SLC35D4: variants seen among roughly 807,000 people sequenced by gnomAD.
SLC35D4 encodes solute carrier family 35 member D4.
At chr18:23,372,266 C>T in the SLC35D4 span, among the ~76,000 whole-genome samples, 5 of 152,184 alleles carry the variant, frequency 3.3e-5, no homozygotes, top group Admixed American at 3.3e-4. Context: ...CTATCTCTCC[C>T]TGCCCTCCCC....
chr18:23,385,209 A>G, the SLC35D4 span: 10 of 695,288 alleles, frequency 1.4e-5, no homozygotes, highest in East Asian at 5.6e-5. Context: ...AGACTTCTAC[A>G]TGGATTAGCG....
the SLC35D4 span, among the ~76,000 whole-genome samples, chr18:23,308,684 G>T: frequency 6.6e-6 from 1 of 151,990 alleles, no homozygotes; most frequent in African/African-American, 2.4e-5. Context: ...GCATCCCCAT[G>T]GCTCACTCCC....
the SLC35D4 span, among the ~76,000 whole-genome samples, chr18:23,345,472 A>G: frequency 8.9e-6 from 1 of 112,400 alleles, no homozygotes; most frequent in Non-Finnish European, 1.7e-5. Flanking sequence ...ACAGAGGGAG[A>G]CTCCATCTCA....
At chr18:23,384,107 A>G in the SLC35D4 span, among the ~76,000 whole-genome samples, 2 of 151,716 alleles carry the variant, frequency 1.3e-5, no homozygotes, top group African/African-American at 4.8e-5. Context: ...TGGACAACAT[A>G]GCAAGACCCT....
the SLC35D4 span, among the ~76,000 whole-genome samples, chr18:23,248,537 TTA>T: frequency 7.2e-5 from 7 of 96,622 alleles, no homozygotes; most frequent in Admixed American, 6.4e-4. Context: ...TTTTTTTTTT[TTA>T]AAAAAAGGCT....
chr18:23,350,511 C>T, the SLC35D4 span, among the ~76,000 whole-genome samples: 376 of 152,210 alleles, frequency 2.5e-3, 5 homozygotes, highest in African/African-American at 8.7e-3. Flanking sequence ...GCCAGGAATA[C>T]GTGAGCCTGT....
the SLC35D4 span, among the ~76,000 whole-genome samples, chr18:23,426,133 A>G: frequency 6.6e-6 from 1 of 152,266 alleles, no homozygotes; most frequent in African/African-American, 2.4e-5. Flanking sequence ...TTAATGAAAT[A>G]TAGGTGAATA....
chr18:23,356,560 C>G, the SLC35D4 span: 9 of 1,609,208 alleles, frequency 5.6e-6, no homozygotes, highest in Non-Finnish European at 7.7e-6. This position sits in a 1 kb window ranked among gnomAD's most constrained non-coding sequence, Gnocchi z 4.1. Flanking sequence ...GCGGACAGCA[C>G]AGAAAGCATA....
chr18:23,361,458 T>C, the SLC35D4 span, among the ~76,000 whole-genome samples: 1 of 152,208 alleles, frequency 6.6e-6, no homozygotes, highest in Non-Finnish European at 1.5e-5. Context: ...AGAGTAGTCC[T>C]GCTCCCTTAC....
chr18:23,385,745 C>A, the SLC35D4 span, among the ~76,000 whole-genome samples: 1 of 152,120 alleles, frequency 6.6e-6, no homozygotes, highest in Non-Finnish European at 1.5e-5. Flanking sequence ...CTGACCATAA[C>A]ACGATCTGCA....
At chr18:23,336,307 T>G in the SLC35D4 span, among the ~76,000 whole-genome samples, 2 of 152,212 alleles carry the variant, frequency 1.3e-5, no homozygotes, top group African/African-American at 4.8e-5. Flanking sequence ...AACTTGCCAC[T>G]TCATGTTCCT....
chr18:23,268,531 T>C, the SLC35D4 span, among the ~76,000 whole-genome samples: 1 of 152,038 alleles, frequency 6.6e-6, no homozygotes, highest in Non-Finnish European at 1.5e-5. Flanking sequence ...GTGATGTTTC[T>C]CCAGTCAAGG....
chr18:23,414,170 G>A, the SLC35D4 span, among the ~76,000 whole-genome samples: 1 of 151,786 alleles, frequency 6.6e-6, no homozygotes, highest in Non-Finnish European at 1.5e-5. Context: ...CAGGAGAATC[G>A]CTTGAACAGG....
At chr18:23,376,062 A>G in the SLC35D4 span, among the ~76,000 whole-genome samples, 1 of 152,218 alleles carries the variant, frequency 6.6e-6, no homozygotes, top group Admixed American at 6.5e-5. Context: ...TGACTATTCC[A>G]TCAGGCAGCA....
the SLC35D4 span, among the ~76,000 whole-genome samples, chr18:23,312,007 G>A: frequency 1.3e-5 from 2 of 152,180 alleles, no homozygotes; most frequent in Admixed American, 1.3e-4. Context: ...CCGCATAATG[G>A]AACACTTCGC....
At chr18:23,264,767 C>A in the SLC35D4 span, among the ~76,000 whole-genome samples, 1 of 152,026 alleles carries the variant, frequency 6.6e-6, no homozygotes, top group Non-Finnish European at 1.5e-5. Context: ...CCTCAGTCTC[C>A]CAAATAGGCT....
the SLC35D4 span, chr18:23,356,749 C>A: frequency 7.9e-7 from 1 of 1,268,788 alleles, no homozygotes; most frequent in Non-Finnish European, 1.1e-6. This position sits in a 1 kb window ranked among gnomAD's most constrained non-coding sequence, Gnocchi z 4.1. Flanking sequence ...GCAAGGAAGG[C>A]GTCTTTAGCA....
chr18:23,366,897 C>T, the SLC35D4 span, among the ~76,000 whole-genome samples: 1 of 152,306 alleles, frequency 6.6e-6, no homozygotes, highest in African/African-American at 2.4e-5. Flanking sequence ...TAAGACAGGG[C>T]TGCATGTAGC....
chr18:23,435,646 T>C, the SLC35D4 span, among the ~76,000 whole-genome samples: 1 of 152,274 alleles, frequency 6.6e-6, no homozygotes, highest in Non-Finnish European at 1.5e-5. Context: ...CCGTTTATCT[T>C]ATAGTTTGCC....
Sources: allele counts gnomAD v4.1 joint callset (sites outside exome capture counted in the v4.1 genomes callset), GRCh38; gene constraint gnomAD v4.1.1; non-coding constraint Gnocchi (gnomAD v3.1); transcripts MANE v1.5; gene names NCBI Gene and HGNC (gene_info 2026-07-23, HGNC 2026-07-21).